Variants in COL4A4 observed in about 807,000 individuals in gnomAD.
COL4A4 encodes collagen type IV alpha 4 chain, also known as collagen alpha-4(IV) chain.
Under a neutral mutation model 192.9 loss-of-function variants are expected in COL4A4, and 105 were observed. The ratio of observed to expected loss-of-function variants is 0.54; its 90% CI spans 0.46 to 0.64. COL4A4 has a LOEUF of 0.64. Ranked by LOEUF, COL4A4 falls within the 30% of genes least tolerant of loss-of-function variation. The pLI is 0.00. For synonymous variants in COL4A4, 762 were observed against 769.9 expected (o/e 0.99, Z 0.17); for missense variants, 1,967 against 2,169.3 (o/e 0.91, Z 1.85).
the COL4A4 span, among the ~76,000 whole-genome samples, chr2:226,975,676 A>G: frequency 5.3e-5 from 8 of 152,218 alleles, no homozygotes; most frequent in African/African-American, 1.9e-4. Flanking sequence ...TGCAGAAGGA[A>G]CTCATTAAAA....
chr2:227,093,639 A>C lies in COL4A4; in HGVS notation c.1369+486T>G, dbSNP rs540185315. On this transcript the variant is annotated intron_variant, in intron 20 of 47. Transcript: ENST00000396625. ...CTGCCTGCCAAACTATCTTTAAAAA[A>C]CCCTAGCCTCCAAATTTTCAGAGAG... is the stretch of plus-strand genomic sequence containing the variant. 9.9e-5 allele frequency among the ~76,000 whole-genome samples: 15 copies of C among 151,218 alleles called. No homozygotes were observed. In the South Asian group the frequency reaches 3.1e-3, roughly 32 times the overall value.
At chr2:227,018,953 G>A (rs1328383911) in intron 44 of COL4A4, among the ~76,000 whole-genome samples, 2 of 152,206 alleles carry the variant, frequency 1.3e-5, no homozygotes, top group Non-Finnish European at 2.9e-5. Context: ...TAACTATCAT[G>A]TTCAAGTGTA....
chr2:227,044,177 C>T (rs995228853), intron 35 of COL4A4, among the ~76,000 whole-genome samples: 2 of 152,172 alleles, frequency 1.3e-5, no homozygotes, highest in African/African-American at 2.4e-5. Context: ...ACCCACAGCT[C>T]CAAGAGCATG....
chr2:227,115,923 T>C (rs1359265129), intron 7 of COL4A4, among the ~76,000 whole-genome samples: 4 of 152,236 alleles, frequency 2.6e-5, no homozygotes, highest in African/African-American at 9.6e-5. Flanking sequence ...ACTTCATTGC[T>C]ATCCTCTCAG....
At chr2:227,028,588 A>G (rs907924185) in intron 41 of COL4A4, among the ~76,000 whole-genome samples, 1 of 151,882 alleles carries the variant, frequency 6.6e-6, no homozygotes, top group African/African-American at 2.4e-5. Flanking sequence ...TTAAACTGAC[A>G]TATCCTTTCA....
rs917830277 is a variant in COL4A4, at chr2:227,066,717, C to T, written c.1988-4119G>A. ...GCCCTAAAAGAGCTCCTGAAGGAAG[C>T]GCTAAACATGGAAAGGAACAACCGG... On this transcript the variant is annotated intron_variant, in intron 25 of 47. Transcript: ENST00000396625. 9.3e-5 allele frequency among the ~76,000 whole-genome samples: 14 copies of T among 149,844 alleles called. No homozygotes were observed. In the South Asian group the frequency reaches 1.3e-3, roughly 14 times the overall value.
chr2:227,121,415 A>C (rs563487063), intron 4 of COL4A4, among the ~76,000 whole-genome samples: 2 of 152,148 alleles, frequency 1.3e-5, no homozygotes, highest in East Asian at 3.9e-4. Context: ...AAATATAAAA[A>C]TTAGCTGGGC....
intron 45 of COL4A4, among the ~76,000 whole-genome samples, chr2:227,011,545 A>G (rs896257988): frequency 6.6e-6 from 1 of 152,172 alleles, no homozygotes; most frequent in Non-Finnish European, 1.5e-5. Flanking sequence ...AGGAGTTTGC[A>G]TCCCTGGCCA....
the COL4A4 span, among the ~76,000 whole-genome samples, chr2:226,969,741 T>G: frequency 2.0e-5 from 3 of 152,218 alleles, no homozygotes; most frequent in Admixed American, 2.0e-4. Flanking sequence ...TATGCCTAAG[T>G]CATTAAAAAG....
intron 41 of COL4A4, among the ~76,000 whole-genome samples, chr2:227,028,666 T>C (rs1967580005): frequency 6.7e-6 from 1 of 148,392 alleles, no homozygotes; most frequent in Non-Finnish European, 1.5e-5. Context: ...ATTATTATTA[T>C]TATTATTATT....
At chr2:227,150,112 A>G (rs1238487463) in intron 1 of COL4A4, among the ~76,000 whole-genome samples, 1 of 152,210 alleles carries the variant, frequency 6.6e-6, no homozygotes, top group African/African-American at 2.4e-5. Flanking sequence ...AAATGAACAT[A>G]TAGAAGATAC....
chr2:227,089,761 G>A (rs999896189), intron 21 of COL4A4, 107 bp downstream of exon 21: 3 of 905,374 alleles, frequency 3.3e-6, no homozygotes, highest in Non-Finnish European at 5.4e-6. Flanking sequence ...GGGTGACTAA[G>A]GTGAGTAACA....
the COL4A4 span, chr2:226,969,248 TTG>T: frequency 6.6e-6 from 1 of 152,076 alleles, no homozygotes; most frequent in African/African-American, 2.4e-5. Flanking sequence ...TGTCTAAAAT[TTG>T]TGTTTTTAAG....
chr2:227,083,195 C>T (rs2059413550), intron 22 of COL4A4, among the ~76,000 whole-genome samples: 1 of 152,176 alleles, frequency 6.6e-6, no homozygotes, highest in Non-Finnish European at 1.5e-5. Context: ...TGCCACTGTA[C>T]TCCAGCCTGG....
At chr2:226,998,576 C>T (rs1461077450), downstream of COL4A4, 2 of 151,966 alleles carry the variant, frequency 1.3e-5, no homozygotes, top group Non-Finnish European at 2.9e-5. Flanking sequence ...CCCTAAGTTT[C>T]TTCTCTTTTT....
At chr2:227,090,858 G>T (rs902576786) in intron 20 of COL4A4, among the ~76,000 whole-genome samples, 1 of 145,474 alleles carries the variant, frequency 6.9e-6, no homozygotes, top group Non-Finnish European at 1.5e-5. Context: ...CCAAGTAAAA[G>T]AACTTGGCAG....
intron 24 of COL4A4, 95 bp downstream of exon 24, chr2:227,080,348 G>A: frequency 8.8e-7 from 1 of 1,142,662 alleles, no homozygotes. Context: ...ATATTTTACT[G>A]AATTTCAGCT....
intron 44 of COL4A4, among the ~76,000 whole-genome samples, chr2:227,015,530 C>T (rs1361203356): frequency 6.6e-6 from 1 of 152,104 alleles, no homozygotes; most frequent in Admixed American, 6.6e-5. Flanking sequence ...CCCCTCCCTA[C>T]CCCCAGGTTC....
chr2:227,125,839 T>C (rs2062053844), intron 4 of COL4A4, among the ~76,000 whole-genome samples: 1 of 152,092 alleles, frequency 6.6e-6, no homozygotes. Flanking sequence ...GTGACTATCA[T>C]ACCCTCTTCA....
Sources: gnomAD v4.1 joint callset for allele counts (sites outside exome capture counted in the v4.1 genomes callset) on GRCh38, gnomAD v4.1.1 for gene constraint, MANE v1.5 for transcripts, NCBI Gene and HGNC (gene_info 2026-07-23, HGNC 2026-07-21) for gene names.